Variants in ADAM19 observed in about 807,000 individuals in gnomAD.
ADAM19 encodes ADAM metallopeptidase domain 19, also known as disintegrin and metalloproteinase domain-containing protein 19.
ADAM19 carries 65 observed loss-of-function variants against 114.7 expected under a neutral mutation model. The observed-to-expected ratio is 0.57, with a 90% CI of 0.46 to 0.70. The LOEUF (loss-of-function observed/expected upper bound fraction) is 0.70, where lower values mean the gene tolerates loss of function less well. Ranked by LOEUF, ADAM19 falls within the 30% of genes least tolerant of loss-of-function variation. The pLI is 0.00. For missense variants in ADAM19, 1,063 were observed against 1,204.7 expected, an observed-to-expected ratio of 0.88 and a Z score of 1.74; for synonymous variants, 466 against 460.5, an observed-to-expected ratio of 1.01 and a Z score of -0.15.
At chr5:157,537,424 T>G (rs991340393) in intron 4 of ADAM19, among the ~76,000 whole-genome samples, 1 of 152,164 alleles carries the variant, frequency 6.6e-6, no homozygotes, top group Non-Finnish European at 1.5e-5. Flanking sequence ...AATATGAATA[T>G]AGAAGCAAAA....
intron 18 of ADAM19, among the ~76,000 whole-genome samples, 200 bp from the exon 19 acceptor site, chr5:157,490,654 G>A (rs1422937475): frequency 6.6e-6 from 1 of 152,118 alleles, no homozygotes; most frequent in Non-Finnish European, 1.5e-5. Context: ...AGCACTTTGG[G>A]AGGCCGCGGT....
intron 1 of ADAM19, among the ~76,000 whole-genome samples, chr5:157,574,049 T>A (rs376359735): frequency 6.6e-6 from 1 of 152,200 alleles, no homozygotes; most frequent in African/African-American, 2.4e-5. Flanking sequence ...GAGAATTTGA[T>A]GATGTGGAAA....
intron 21 of ADAM19, among the ~76,000 whole-genome samples, chr5:157,483,248 TCTA>T (rs1201983495): frequency 6.6e-6 from 1 of 152,186 alleles, no homozygotes; most frequent in Non-Finnish European, 1.5e-5. Flanking sequence ...ATCTAGTAAT[TCTA>T]CTTCTTCTGA....
Position 157,537,904 on chromosome 5 carries a change from T to G in ADAM19, c.330+9A>C, listed in dbSNP as rs200081552. 1.9e-6 allele frequency: 3 copies of G among 1,612,288 alleles called. No individual in the cohort carries two copies. The African/African-American group carries it at 4.0e-5, about 22-fold the overall frequency. On this transcript the variant is annotated intron_variant, in intron 4 of 22. Coordinates refer to ENST00000257527, the MANE Select transcript of ADAM19 (RefSeq NM_033274.5). ...GCTGCTGGATAGACATTTGTTGACC[T>G]GAACTCACCTCCAATTTCCGTGTGG...
In ADAM19 at chr5:157,480,352, GGGGAGAGGT is replaced by G; in HGVS notation, c.*588_*596del. 1 of 987,558 alleles carries G rather than the reference GGGGAGAGGT, an allele frequency of 1.0e-6. No individual in the cohort carries two copies. Among genetic ancestry groups the G allele is most frequent in the East Asian group, 1.1e-4 (1 of 8,838 alleles). 61.2% of individuals were successfully genotyped at this position (987,558 alleles called of 1,614,324 possible). A position where few individuals can be genotyped will look rare whatever the true frequency, so the allele number is the denominator to read the frequency against. On this transcript the variant is annotated 3_prime_UTR_variant, in exon 23 of 23. Transcript: ENST00000257527. ...TGTGAATACAGGGATGCAGGGGTTTGGGGAGAGGTGGGAGGGGACGTGGCTTGTCACATG... is the reference window on the plus strand; with the variant it reads ...TGTGAATACAGGGATGCAGGGGTTTGGGGAGGGGACGTGGCTTGTCACATG...
chr5:157,489,861 C>A (rs921441870), intron 19 of ADAM19, among the ~76,000 whole-genome samples: 19 of 152,334 alleles, frequency 1.2e-4, no homozygotes, highest in African/African-American at 4.6e-4. Flanking sequence ...GTGGCATGCA[C>A]CTGTAGCCCC....
intron 7 of ADAM19, among the ~76,000 whole-genome samples, chr5:157,517,186 C>T (rs2113736814): frequency 6.6e-6 from 1 of 152,274 alleles, no homozygotes; most frequent in South Asian, 2.1e-4. Flanking sequence ...CTAGTGCTCT[C>T]CCCACCACCA....
intron 8 of ADAM19, among the ~76,000 whole-genome samples, chr5:157,513,227 A>C (rs1755976315): frequency 6.7e-6 from 1 of 149,200 alleles, no homozygotes; most frequent in Admixed American, 6.6e-5. Flanking sequence ...AGAACAAAAG[A>C]AAAAAAAATG....
At position 157,562,955 on chromosome 5, in the gene ADAM19, C is replaced by T. The variant is rs7725356; in HGVS notation, c.251+1418G>A. ...GCCACAGGCTCTACTGGGGGCAGAA[C>T]AGGAGAGATTAGACACAGGCAACAA... On this transcript the variant is annotated intron_variant, in intron 3 of 22. Transcript: ENST00000257527. 8.4e-3 allele frequency among the ~76,000 whole-genome samples: 1,277 copies of T among 152,142 alleles called. 23 individuals carry two copies. The highest frequency in any genetic ancestry group is 0.03 in the African/African-American group (1,227 of 41,462).
At chr5:157,539,179 G>C (rs1157091301) in intron 3 of ADAM19, among the ~76,000 whole-genome samples, 1 of 151,296 alleles carries the variant, frequency 6.6e-6, no homozygotes, top group Non-Finnish European at 1.5e-5. Context: ...AAGAGAGAGA[G>C]AAACAAATGC....
At chr5:157,504,710 C>A (rs1380472321) in intron 11 of ADAM19, among the ~76,000 whole-genome samples, 1 of 152,186 alleles carries the variant, frequency 6.6e-6, no homozygotes, top group Non-Finnish European at 1.5e-5. Flanking sequence ...AAGGTCCCAA[C>A]GTGATGCCTT....
At chr5:157,496,758 C>G (rs1253288466) in intron 14 of ADAM19, 136 bp downstream of exon 14, 1 of 712,320 alleles carries the variant, frequency 1.4e-6, no homozygotes. Flanking sequence ...AACATCTACC[C>G]TGAGTCAAGG....
chr5:157,518,676 G>A lies in ADAM19; in HGVS notation c.666+147C>T, dbSNP rs1195905962. On this transcript the variant is annotated intron_variant, in intron 7 of 22. Transcript: ENST00000257527. ...TGGGATTACAGGCGTGAGCCGCCGC[G>A]CCCAGCCTTTGGTGAGATTTAAGGT... 57 of 776,058 alleles carry A rather than the reference G, an allele frequency of 7.3e-5. 1 individual carries two copies. The highest frequency in any genetic ancestry group is 4.9e-4 in the South Asian group (31 of 63,514). The allele number at this position is 776,058 out of a possible 1,614,324, so 48.1% of individuals were successfully genotyped here.
chr5:157,489,320 T>C, intron 19 of ADAM19, 134 bp from the exon 20 acceptor site: 1 of 678,026 alleles, frequency 1.5e-6, no homozygotes, highest in Non-Finnish European at 2.7e-6. Flanking sequence ...GGGAGTGGGA[T>C]TGGTCTTCTC....
intron 21 of ADAM19, among the ~76,000 whole-genome samples, chr5:157,486,735 G>A (rs376898133): frequency 1.1e-4 from 17 of 151,884 alleles, no homozygotes; most frequent in African/African-American, 2.4e-4. Flanking sequence ...GTCTCTACAC[G>A]CCTGCTTTCT....
intron 3 of ADAM19, among the ~76,000 whole-genome samples, chr5:157,546,201 A>T (rs1261640174): frequency 6.6e-6 from 1 of 152,194 alleles, no homozygotes; most frequent in Non-Finnish European, 1.5e-5. Context: ...GCACTGTTTC[A>T]CAGCTCATCT....
chr5:157,550,643 T>G (rs949065620), intron 3 of ADAM19, among the ~76,000 whole-genome samples: 1 of 149,826 alleles, frequency 6.7e-6, no homozygotes, highest in Non-Finnish European at 1.5e-5. Flanking sequence ...TTTAAATGAG[T>G]GAACTATATG....
intron 3 of ADAM19, among the ~76,000 whole-genome samples, chr5:157,552,612 G>A (rs1757231525): frequency 6.6e-6 from 1 of 150,690 alleles, no homozygotes; most frequent in Admixed American, 6.6e-5. Flanking sequence ...CTGGGAGGTG[G>A]AGGTTGCAGT....
chr5:157,570,702 G>A (rs961368621), intron 2 of ADAM19, 193 bp downstream of exon 2: 2 of 528,564 alleles, frequency 3.8e-6, no homozygotes, highest in African/African-American at 1.9e-5. Flanking sequence ...TAATAGCATT[G>A]GGAAGTGTTC....
Sources: allele counts gnomAD v4.1 joint callset (sites outside exome capture counted in the v4.1 genomes callset), GRCh38; gene constraint gnomAD v4.1.1; transcripts MANE v1.5; gene names NCBI Gene and HGNC (gene_info 2026-07-23, HGNC 2026-07-21).